Variants in PCP4L1 observed in about 807,000 individuals in gnomAD.
PCP4L1 encodes Purkinje cell protein 4 like 1, also known as Purkinje cell protein 4-like protein 1.
In PCP4L1, 9 loss-of-function variants were observed where a neutral mutation model predicts 9.6. The ratio of observed to expected loss-of-function variants is 0.94; its 90% CI spans 0.57 to 1.64. The LOEUF is 1.64. Among genes scored for constraint, PCP4L1 ranks in the 40% most tolerant of loss-of-function variants. The probability of loss-of-function intolerance (pLI) is 0.00; values close to 1 mark genes in which losing one functional copy is unlikely to be tolerated. For missense variants in PCP4L1, 81 were observed against 80.8 expected (o/e 1.00, Z -0.01); for synonymous variants, 31 against 28.2 (o/e 1.10, Z -0.31).
intron 1 of PCP4L1, among the ~76,000 whole-genome samples, chr1:161,266,417 A>G (rs1418776629): frequency 1.3e-5 from 2 of 152,220 alleles, no homozygotes; most frequent in Admixed American, 6.5e-5. Flanking sequence ...GTGAAGGCAC[A>G]GCTCTAAGCT....
chr1:161,275,695 C>T (rs563321744), intron 1 of PCP4L1, among the ~76,000 whole-genome samples: 5 of 151,792 alleles, frequency 3.3e-5, no homozygotes, highest in African/African-American at 9.7e-5. Flanking sequence ...GATTTGAAGT[C>T]AGAGATCATG....
chr1:161,278,174 C>T (rs1248402961), intron 1 of PCP4L1, among the ~76,000 whole-genome samples: 1 of 152,160 alleles, frequency 6.6e-6, no homozygotes, highest in Non-Finnish European at 1.5e-5. Flanking sequence ...CAACTAATGT[C>T]CAATTCCTCC....
chr1:161,284,044 G>A (rs1669865727), intron 2 of PCP4L1, among the ~76,000 whole-genome samples: 1 of 152,212 alleles, frequency 6.6e-6, no homozygotes, highest in South Asian at 2.1e-4. Flanking sequence ...GCTGAGGAAA[G>A]TGAGTGTGCA....
chr1:161,281,952 A>G (rs1488757001), intron 1 of PCP4L1, among the ~76,000 whole-genome samples: 4 of 146,028 alleles, frequency 2.7e-5, no homozygotes, highest in African/African-American at 5.1e-5. Flanking sequence ...ATGGGCGGCC[A>G]GGCAGAGACG....
intron 2 of PCP4L1, among the ~76,000 whole-genome samples, chr1:161,284,062 T>G (rs1224501098): frequency 1.3e-5 from 2 of 152,212 alleles, no homozygotes; most frequent in Admixed American, 1.3e-4. Context: ...GCATTGGAAC[T>G]TGAACTGTAG....
rs1669881294 is a variant in PCP4L1 at position 161,284,827 on chromosome 1, C to T, written c.*346C>T. 2 of 280,006 alleles carry T rather than the reference C, an allele frequency of 7.1e-6. No homozygotes were observed. Among genetic ancestry groups the T allele is most frequent in the Non-Finnish European group, 1.4e-5 (2 of 147,838 alleles). 17.3% of individuals were successfully genotyped at this position (280,006 alleles called of 1,614,324 possible). A position where few individuals can be genotyped will look rare whatever the true frequency, so the allele number is the denominator to read the frequency against. On this transcript the variant is annotated 3_prime_UTR_variant, in exon 3 of 3. Transcript: ENST00000504449. Reference sequence around the variant, plus strand: ...AATGTGGGAAGGAGGGGAAGGCTTTCAGAGTAGGGTGCCTGAGGGTGGGAC... The same window carrying T: ...AATGTGGGAAGGAGGGGAAGGCTTTTAGAGTAGGGTGCCTGAGGGTGGGAC...
chr1:161,269,143 G>A (rs1669582239), intron 1 of PCP4L1, among the ~76,000 whole-genome samples: 1 of 152,022 alleles, frequency 6.6e-6, no homozygotes, highest in African/African-American at 2.4e-5. Flanking sequence ...TATCCATTAA[G>A]TACCTACTAT....
chr1:161,264,741 A>T (rs1395743688), intron 1 of PCP4L1, among the ~76,000 whole-genome samples: 1 of 151,992 alleles, frequency 6.6e-6, no homozygotes, highest in Non-Finnish European at 1.5e-5. Context: ...AAGTAGGAGG[A>T]TCTCTTGAGC....
chr1:161,280,971 A>AG (rs1214874766), intron 1 of PCP4L1, among the ~76,000 whole-genome samples: 1 of 152,054 alleles, frequency 6.6e-6, no homozygotes, highest in Non-Finnish European at 1.5e-5. Context: ...TGGTTTTCCT[A>AG]GGCAGAGGAC....
chr1:161,274,073 T>A (rs777247365), intron 1 of PCP4L1, among the ~76,000 whole-genome samples: 3 of 152,208 alleles, frequency 2.0e-5, no homozygotes, highest in Non-Finnish European at 4.4e-5. Context: ...ATAGAAATAA[T>A]AATTATACCT....
At chr1:161,277,252 C>T (rs936091392) in intron 1 of PCP4L1, among the ~76,000 whole-genome samples, 6 of 152,348 alleles carry the variant, frequency 3.9e-5, no homozygotes, top group East Asian at 1.9e-4. Flanking sequence ...TACATATCCA[C>T]GTCTTCCACT....
At chr1:161,264,797 C>G (rs1558141974) in intron 1 of PCP4L1, among the ~76,000 whole-genome samples, 2 of 152,188 alleles carry the variant, frequency 1.3e-5, no homozygotes, top group African/African-American at 2.4e-5. Context: ...CCACTACACT[C>G]CAGCCTGGGC....
intron 1 of PCP4L1, among the ~76,000 whole-genome samples, chr1:161,268,219 TG>T (rs34401779): frequency 0.13 from 19,499 of 152,094 alleles, 1,311 homozygotes; most frequent in East Asian, 0.22. Context: ...GGACAGACAT[TG>T]GGAAGACAGG....
At chr1:161,281,382 C>G (rs1047250774) in intron 1 of PCP4L1, among the ~76,000 whole-genome samples, 4 of 152,154 alleles carry the variant, frequency 2.6e-5, no homozygotes, top group Non-Finnish European at 5.9e-5. Flanking sequence ...GGGTGGTGGC[C>G]GGGCAGAGGG....
intron 1 of PCP4L1, among the ~76,000 whole-genome samples, chr1:161,268,084 A>T (rs1052026777): frequency 1.3e-5 from 2 of 152,086 alleles, no homozygotes; most frequent in Non-Finnish European, 2.9e-5. Flanking sequence ...GGACGAAAGG[A>T]CTCAATCAAG....
chr1:161,262,359 G>A lies in PCP4L1; in HGVS notation c.9+3376G>A, dbSNP rs941991118. 3.1e-4 allele frequency among the ~76,000 whole-genome samples: 47 copies of A among 150,716 alleles called. 1 individual carries two copies. Among genetic ancestry groups the A allele is most frequent in the Non-Finnish European group, 8.9e-5 (6 of 67,684 alleles). ...TGAGGCAGGAGAATGGCATGAACCC[G>A]GGAGGCGGAGCTTGCAGTGAGCCGA... On this transcript the variant is annotated intron_variant, in intron 1 of 2. Transcript: ENST00000504449.
intron 1 of PCP4L1, among the ~76,000 whole-genome samples, chr1:161,271,179 C>T (rs148998475): frequency 7.9e-5 from 12 of 152,308 alleles, no homozygotes; most frequent in East Asian, 1.9e-4. Context: ...CCACCAACAA[C>T]GTATGAGAGT....
At chr1:161,273,467 C>G (rs1183391387) in intron 1 of PCP4L1, among the ~76,000 whole-genome samples, 1 of 152,106 alleles carries the variant, frequency 6.6e-6, no homozygotes, top group Non-Finnish European at 1.5e-5. Flanking sequence ...CCATTCAGTC[C>G]TATGTGGGCA....
At chr1:161,272,833 G>A (rs1239639922) in intron 1 of PCP4L1, among the ~76,000 whole-genome samples, 2 of 152,082 alleles carry the variant, frequency 1.3e-5, no homozygotes, top group East Asian at 3.8e-4. Context: ...ATGGGATCTA[G>A]AGCTCAGATG....
Sources: gnomAD v4.1 joint callset for allele counts (sites outside exome capture counted in the v4.1 genomes callset) on GRCh38, gnomAD v4.1.1 for gene constraint, MANE v1.5 for transcripts, NCBI Gene and HGNC (gene_info 2026-07-23, HGNC 2026-07-21) for gene names.